Variants in OLFM2 observed in about 807,000 individuals in gnomAD.
OLFM2 encodes olfactomedin 2.
OLFM2 carries 20 observed loss-of-function variants against 43.9 expected under a neutral mutation model. The ratio of observed to expected loss-of-function variants is 0.46; its 90% CI spans 0.32 to 0.66. The LOEUF (loss-of-function observed/expected upper bound fraction) is 0.66, where lower values mean the gene tolerates loss of function less well. Among genes scored for constraint, OLFM2 ranks in the 30% least tolerant of loss-of-function variants. The pLI is 0.04. For synonymous variants in OLFM2, 268 were observed against 278.6 expected (o/e 0.96, Z 0.38); for missense variants, 416 against 643.6 (o/e 0.65, Z 3.83).
At chr19:9,865,834 AAC>A (rs764468366) in intron 1 of OLFM2, among the ~76,000 whole-genome samples, 12,024 of 149,528 alleles carry the variant, frequency 0.08, 504 homozygotes, top group Middle Eastern at 0.16. Flanking sequence ...AAAAAAAAAA[AAC>A]AAAGAAAAAC....
chr19:9,905,844 C>A (rs2046781757), intron 1 of OLFM2, among the ~76,000 whole-genome samples: 2 of 152,168 alleles, frequency 1.3e-5, no homozygotes, highest in Admixed American at 6.6e-5. Flanking sequence ...AGGCGCTATA[C>A]CCTGAGCAGC....
At chr19:9,907,198 G>A (rs955800444) in intron 1 of OLFM2, among the ~76,000 whole-genome samples, 12 of 152,186 alleles carry the variant, frequency 7.9e-5, no homozygotes, top group African/African-American at 2.4e-4. Flanking sequence ...GTTCACGCCT[G>A]TAATCCCAGC....
chr19:9,885,270 C>G (rs1382839589), intron 1 of OLFM2, among the ~76,000 whole-genome samples: 1 of 152,198 alleles, frequency 6.6e-6, no homozygotes, highest in Non-Finnish European at 1.5e-5. Context: ...AGGGCTGAGT[C>G]TCCGGCAGTT....
chr19:9,912,361 C>T (rs1420275673), intron 1 of OLFM2, among the ~76,000 whole-genome samples: 2 of 152,084 alleles, frequency 1.3e-5, no homozygotes, highest in African/African-American at 4.8e-5. Context: ...TTCTTCTTTG[C>T]TCCCATCAAG....
At chr19:9,918,195 C>CT (rs889445356) in intron 1 of OLFM2, among the ~76,000 whole-genome samples, 25 of 147,054 alleles carry the variant, frequency 1.7e-4, no homozygotes, top group East Asian at 6.1e-4. Flanking sequence ...GTTCTTTTAT[C>CT]TTTTTTTTTA....
intron 1 of OLFM2, among the ~76,000 whole-genome samples, chr19:9,907,302 A>T (rs2046793491): frequency 6.6e-6 from 1 of 152,056 alleles, no homozygotes; most frequent in Admixed American, 6.6e-5. Flanking sequence ...TAAAAATACA[A>T]AAATTAGCTA....
intron 1 of OLFM2, among the ~76,000 whole-genome samples, chr19:9,912,317 C>A (rs2046833658): frequency 6.6e-6 from 1 of 152,182 alleles, no homozygotes. Flanking sequence ...CCCACCACCA[C>A]CACACACCCT....
At chr19:9,912,828 G>C (rs1339715369) in intron 1 of OLFM2, among the ~76,000 whole-genome samples, 1 of 151,808 alleles carries the variant, frequency 6.6e-6, no homozygotes, top group Non-Finnish European at 1.5e-5. Flanking sequence ...CACATGGCGA[G>C]GCAAGAATGG....
At chr19:9,855,675 C>T (rs1362990373) in intron 5 of OLFM2, among the ~76,000 whole-genome samples, 2 of 152,094 alleles carry the variant, frequency 1.3e-5, no homozygotes, top group Non-Finnish European at 2.9e-5. Context: ...GCAGGGACTA[C>T]AGGCACAAGT....
intron 1 of OLFM2, among the ~76,000 whole-genome samples, chr19:9,905,350 G>C (rs938056725): frequency 6.6e-5 from 10 of 152,062 alleles, no homozygotes; most frequent in Non-Finnish European, 1.5e-4. Context: ...CCAGCTACTC[G>C]GGAGGCTGAG....
chr19:9,933,954 G>A (rs562347393), intron 1 of OLFM2, among the ~76,000 whole-genome samples: 3 of 152,234 alleles, frequency 2.0e-5, no homozygotes, highest in Admixed American at 1.3e-4. Flanking sequence ...ATGGTTATTC[G>A]GCTCTTTTCT....
intron 1 of OLFM2, among the ~76,000 whole-genome samples, chr19:9,872,777 T>A (rs192411392): frequency 6.7e-5 from 10 of 149,680 alleles, no homozygotes; most frequent in Admixed American, 6.2e-4. Flanking sequence ...CATCTGCTCA[T>A]CCATTTATCT....
chr19:9,927,314 A>C (rs2086459784), intron 1 of OLFM2, among the ~76,000 whole-genome samples: 1 of 151,986 alleles, frequency 6.6e-6, no homozygotes, highest in African/African-American at 2.4e-5. Context: ...TGAATAAATA[A>C]ATTCTAAAAT....
At chr19:9,889,175 G>C (rs556534870) in intron 1 of OLFM2, among the ~76,000 whole-genome samples, 22 of 152,262 alleles carry the variant, frequency 1.4e-4, no homozygotes, top group Middle Eastern at 3.4e-3. Context: ...GGTGTGCTTG[G>C]GTCATGGGTT....
intron 1 of OLFM2, among the ~76,000 whole-genome samples, chr19:9,903,979 A>G (rs917537601): frequency 1.3e-5 from 2 of 152,148 alleles, no homozygotes; most frequent in Admixed American, 1.3e-4. Flanking sequence ...ATTATACTGA[A>G]GGCCACATCA....
At chr19:9,901,427 AAAAC>A (rs140596781) in intron 1 of OLFM2, among the ~76,000 whole-genome samples, 15,843 of 151,650 alleles carry the variant, frequency 0.1, 1,441 homozygotes, top group African/African-American at 0.25. Flanking sequence ...CTCTGTCTCA[AAAAC>A]AAACAAACAA....
At chr19:9,892,600 A>G (rs965150510) in intron 1 of OLFM2, among the ~76,000 whole-genome samples, 5 of 151,938 alleles carry the variant, frequency 3.3e-5, no homozygotes, top group Non-Finnish European at 5.9e-5. Context: ...AGTTCCAGCT[A>G]CTCAGGAGGC....
At chr19:9,860,819 C>A (rs574549542) in intron 1 of OLFM2, 25 bp from the exon 2 acceptor site, 6 of 1,590,846 alleles carry the variant, frequency 3.8e-6, no homozygotes, top group Non-Finnish European at 5.1e-6. Context: ...GGGTCAGAGA[C>A]CGGAATCCCA....
chr19:9,908,868 TGCCTGGCTAAA>T (rs1457080650), intron 1 of OLFM2, among the ~76,000 whole-genome samples: 2 of 152,140 alleles, frequency 1.3e-5, no homozygotes, highest in South Asian at 4.2e-4. Context: ...TGAGCCACCG[TGCCTGGCTAAA>T]AATGTATTTT....
Sources: allele counts gnomAD v4.1 joint callset (sites outside exome capture counted in the v4.1 genomes callset), GRCh38; gene constraint gnomAD v4.1.1; transcripts MANE v1.5; gene names NCBI Gene and HGNC (gene_info 2026-07-23, HGNC 2026-07-21).